DIP2B: variants seen among roughly 807,000 people sequenced by gnomAD.
DIP2B encodes disco-interacting protein 2 homolog B.
DIP2B carries 76 observed loss-of-function variants against 198.0 expected under a neutral mutation model. The ratio of observed to expected loss-of-function variants is 0.38; its 90% confidence interval spans 0.32 to 0.46. The LOEUF is 0.46. Among genes scored for constraint, DIP2B ranks in the 20% least tolerant of loss-of-function variants. The probability of loss-of-function intolerance (pLI) is 0.99; values close to 1 mark genes in which losing one functional copy is unlikely to be tolerated. For missense variants in DIP2B, 1,559 were observed against 1,978.4 expected, an observed-to-expected ratio of 0.79 and a Z score of 4.02; for synonymous variants, 701 against 739.1, an observed-to-expected ratio of 0.95 and a Z score of 0.84.
chr12:50,662,930 G>A (rs1301285325), intron 4 of DIP2B, among the ~76,000 whole-genome samples: 1 of 151,866 alleles, frequency 6.6e-6, no homozygotes, highest in Non-Finnish European at 1.5e-5. Context: ...CCAACAAGGT[G>A]AAACCCCGTC....
At chr12:50,538,763 A>G (rs1958292817) in intron 1 of DIP2B, among the ~76,000 whole-genome samples, 1 of 152,062 alleles carries the variant, frequency 6.6e-6, no homozygotes, top group African/African-American at 2.4e-5. Flanking sequence ...AGTTTTTGCA[A>G]TATTATTAAG....
At chr12:50,706,707 A>G (rs778460338) in intron 21 of DIP2B, 42 bp downstream of exon 21, 21 of 1,597,114 alleles carry the variant, frequency 1.3e-5, no homozygotes, top group Admixed American at 1.7e-5. Flanking sequence ...TTTTAATGGA[A>G]TCTAAATACA....
At chr12:50,660,044 G>T in intron 3 of DIP2B, 150 bp from the exon 4 acceptor site, 4 of 806,622 alleles carry the variant, frequency 5.0e-6, no homozygotes, top group South Asian at 3.4e-5. Flanking sequence ...TTTCTAATTG[G>T]TCTTAATCAA....
intron 1 of DIP2B, among the ~76,000 whole-genome samples, chr12:50,511,291 A>ATTTTTGTTTT (rs1958013803): frequency 1.5e-5 from 1 of 64,664 alleles, no homozygotes; most frequent in African/African-American, 6.0e-5. Context: ...TGTGATTTCT[A>ATTTTTGTTTT]TTTTTTTTTT....
intron 1 of DIP2B, among the ~76,000 whole-genome samples, chr12:50,543,261 A>C (rs1203576217): frequency 1.3e-5 from 2 of 151,656 alleles, no homozygotes; most frequent in African/African-American, 4.8e-5. Flanking sequence ...TCAATGTCTT[A>C]TGCCAAGCTG....
intron 1 of DIP2B, among the ~76,000 whole-genome samples, chr12:50,583,132 A>C (rs891020332): frequency 2.0e-5 from 3 of 152,232 alleles, no homozygotes; most frequent in African/African-American, 7.2e-5. Context: ...TGGAAGCCCT[A>C]CTGGTAAATT....
chr12:50,650,503 A>G (rs1260429993), intron 3 of DIP2B, among the ~76,000 whole-genome samples: 1 of 152,118 alleles, frequency 6.6e-6, no homozygotes, highest in East Asian at 1.9e-4. Flanking sequence ...AGCAACCACC[A>G]TTCTACTTCC....
chr12:50,676,165 A>T lies in DIP2B; in HGVS notation c.916+717A>T, dbSNP rs542581937. Among the ~76,000 whole-genome samples the T allele has an allele frequency of 3.3e-5, 5 of 152,152 alleles. No homozygotes were observed. In the South Asian group the frequency reaches 1.0e-3, roughly 31 times the overall value. Reference sequence around the variant, plus strand: ...TTAATAGGGAAGGGGAATGAGTGTGAGTATGGATAAAATGAGAATGGCCAT... The same window carrying T: ...TTAATAGGGAAGGGGAATGAGTGTGTGTATGGATAAAATGAGAATGGCCAT... On this transcript the variant is annotated intron_variant, in intron 7 of 37. Transcript: ENST00000301180.
At chr12:50,572,429 G>A (rs980363589) in intron 1 of DIP2B, among the ~76,000 whole-genome samples, 6 of 152,172 alleles carry the variant, frequency 3.9e-5, no homozygotes, top group Non-Finnish European at 8.8e-5. Context: ...GAGAGTTAAG[G>A]GTTGCTAAAC....
At chr12:50,710,037 A>G (rs1198937508) in intron 22 of DIP2B, among the ~76,000 whole-genome samples, 1 of 152,204 alleles carries the variant, frequency 6.6e-6, no homozygotes, top group African/African-American at 2.4e-5. Context: ...CTTCCTCTCA[A>G]TTAATATTCC....
intron 35 of DIP2B, among the ~76,000 whole-genome samples, chr12:50,738,240 T>C (rs1000088621): frequency 1.8e-4 from 28 of 152,052 alleles, no homozygotes; most frequent in African/African-American, 6.5e-4. Context: ...CTCAGGAGGC[T>C]GAGGCTTGAA....
At chr12:50,703,591 T>G (rs1037444774) in intron 19 of DIP2B, among the ~76,000 whole-genome samples, 11 of 152,238 alleles carry the variant, frequency 7.2e-5, no homozygotes, top group African/African-American at 2.4e-4. Context: ...CGTACTTGTT[T>G]CTGCAAATCT....
At position 50,686,638 on chromosome 12, in the gene DIP2B, C is replaced by T; in HGVS notation, c.1507C>T (p.Gln503Ter). ...CCTTTCAAAGCCACCGAAAGACTGG[C>T]AGCCACACATCTCACCTGCTGGGAC... is the stretch of plus-strand genomic sequence containing the variant. ...KYLSKPPKDW[Q>*]PHISPAGTEP... The change falls in exon 12 of 38, where the codon CAG becomes TAG. Residue 503 changes from glutamine to a stop codon, truncating the protein, a stop_gained. Transcript: ENST00000301180. LOFTEE classifies it high-confidence loss of function. 1.2e-6 allele frequency: 2 copies of T among 1,614,116 alleles called. No homozygotes were observed. Among genetic ancestry groups the T allele is most frequent in the Non-Finnish European group, 1.7e-6 (2 of 1,180,012 alleles).
intron 7 of DIP2B, among the ~76,000 whole-genome samples, chr12:50,676,348 T>A (rs1025606238): frequency 2.6e-5 from 4 of 152,214 alleles, no homozygotes; most frequent in Admixed American, 1.3e-4. Context: ...TTAATAGAAT[T>A]AGGTACATTG....
intron 3 of DIP2B, among the ~76,000 whole-genome samples, chr12:50,652,359 A>ACT (rs913148098): frequency 6.7e-6 from 1 of 148,884 alleles, no homozygotes; most frequent in African/African-American, 2.5e-5. Flanking sequence ...ACACACACAC[A>ACT]CACACACACA....
chr12:50,605,169 G>A (rs977846431), intron 1 of DIP2B, among the ~76,000 whole-genome samples: 2 of 152,068 alleles, frequency 1.3e-5, no homozygotes, highest in African/African-American at 2.4e-5. Flanking sequence ...ACTTTATTGA[G>A]GTATAATTCA....
chr12:50,734,359 A>G (rs902476994), intron 33 of DIP2B, among the ~76,000 whole-genome samples, 163 bp downstream of exon 33: 2 of 152,232 alleles, frequency 1.3e-5, no homozygotes, highest in Middle Eastern at 3.2e-3. Context: ...TAAGATTTAC[A>G]TTTATAAGAA....
intron 1 of DIP2B, among the ~76,000 whole-genome samples, chr12:50,506,050 G>T (rs1475823525): frequency 6.6e-6 from 1 of 151,962 alleles, no homozygotes; most frequent in Non-Finnish European, 1.5e-5. Context: ...AAAAAAATGG[G>T]ATAAATCAAG....
intron 29 of DIP2B, 86 bp from the exon 30 acceptor site, chr12:50,728,462 T>C (rs552153288): frequency 6.8e-7 from 1 of 1,466,314 alleles, no homozygotes; most frequent in South Asian, 1.5e-5. Flanking sequence ...GTTTAGGGAA[T>C]TGAAACTCCT....
Sources: gnomAD v4.1 joint callset for allele counts (sites outside exome capture counted in the v4.1 genomes callset) on GRCh38, gnomAD v4.1.1 for gene constraint, MANE v1.5 for transcripts, NCBI Gene and HGNC (gene_info 2026-07-23, HGNC 2026-07-21) for gene names.